The following SERGEF variants were observed in gnomAD, a reference collection of about 807,000 sequenced individuals.
SERGEF encodes the protein secretion regulating guanine nucleotide exchange factor, also known as secretion-regulating guanine nucleotide exchange factor.
SERGEF carries 51 observed loss-of-function variants against 50.0 expected under a neutral mutation model. The ratio of observed to expected loss-of-function variants is 1.02; its 90% CI spans 0.81 to 1.29. The LOEUF (loss-of-function observed/expected upper bound fraction) is 1.29, where lower values mean the gene tolerates loss of function less well. Ranked by LOEUF, SERGEF falls within the 50% of genes most tolerant of loss-of-function variation. The pLI, the probability that SERGEF is intolerant of heterozygous loss-of-function variation, is 0.00. For missense variants in SERGEF, 521 were observed against 557.0 expected (o/e 0.94, Z 0.65); for synonymous variants, 205 against 212.4 (o/e 0.97, Z 0.30).
Position 17,888,013 on chromosome 11 carries a change from C to T in SERGEF, c.1012-9769G>A, listed in dbSNP as rs1268026287. ...TGAGCTCCGCCTCCTGTCAGATCAG[C>T]GGTGGCATTAGATTCTCATATGAGC... On this transcript the variant is annotated intron_variant, in intron 9 of 10. Coordinates refer to ENST00000265965, the MANE Select transcript of SERGEF (RefSeq NM_012139.4). This position sits in a 1 kb window ranked among gnomAD's most constrained non-coding sequence, Gnocchi z 4.1. 2.0e-5 allele frequency among the ~76,000 whole-genome samples: 3 copies of T among 152,146 alleles called. No homozygotes were observed. The highest frequency in any genetic ancestry group is 4.8e-5 in the African/African-American group (2 of 41,452).
At chr11:17,889,532 T>C (rs1226440616) in intron 9 of SERGEF, among the ~76,000 whole-genome samples, 2 of 152,082 alleles carry the variant, frequency 1.3e-5, no homozygotes, top group Admixed American at 6.6e-5. Context: ...TCATAAGAGA[T>C]AAAGAAAAGC....
chr11:18,006,685 T>A lies in SERGEF; in HGVS notation c.258A>T (p.Thr86=). 1 of 1,614,192 alleles carries A rather than the reference T, an allele frequency of 6.2e-7. No individual in the cohort carries two copies. Among genetic ancestry groups the A allele is most frequent in the Non-Finnish European group, 8.5e-7 (1 of 1,180,026 alleles). Residue 86 remains threonine (T), a synonymous_variant, in exon 3 of 11, where the codon ACA becomes ACT. Transcript: ENST00000265965. ...AGGGGGTAAAATATGGGATATCCTC[T>A]GTGTGACCAAGCCCCAGTTGCCCAT... ...NKDGQLGLGH[T]EDIPYFTPCK... is the part of the protein sequence containing the mutation.
intron 8 of SERGEF, among the ~76,000 whole-genome samples, chr11:17,963,206 A>C (rs1181651651): frequency 6.9e-6 from 1 of 145,360 alleles, no homozygotes; most frequent in East Asian, 2.0e-4. Flanking sequence ...AAAAAAAAAA[A>C]GTCAAAAGGC....
At chr11:17,853,598 T>G (rs925491874) in intron 10 of SERGEF, 1 of 152,182 alleles carries the variant, frequency 6.6e-6, no homozygotes, top group Non-Finnish European at 1.5e-5. Flanking sequence ...AGACAGAGCC[T>G]TCCCATGTAT....
intron 9 of SERGEF, among the ~76,000 whole-genome samples, chr11:17,953,250 C>G (rs1852804286): frequency 1.3e-5 from 2 of 152,196 alleles, no homozygotes; most frequent in East Asian, 3.8e-4. Flanking sequence ...AACTCACAAG[C>G]TCCTAAGGCA....
intron 4 of SERGEF, among the ~76,000 whole-genome samples, chr11:18,003,488 A>T (rs1008121478): frequency 6.6e-6 from 1 of 152,236 alleles, no homozygotes; most frequent in East Asian, 1.9e-4. Context: ...TAAAAAATGC[A>T]TACCAGAGTT....
At chr11:17,980,925 C>T (rs17721184) in intron 8 of SERGEF, among the ~76,000 whole-genome samples, 17,366 of 152,202 alleles carry the variant, frequency 0.11, 1,303 homozygotes, top group Middle Eastern at 0.22. Context: ...ATTATGTAAA[C>T]GTATTGGCCA....
intron 10 of SERGEF, among the ~76,000 whole-genome samples, chr11:17,814,088 A>G (rs908132872): frequency 6.6e-6 from 1 of 152,224 alleles, no homozygotes; most frequent in African/African-American, 2.4e-5. Context: ...TTGGAAGGAA[A>G]TGTCTTTGTT....
chr11:17,916,697 T>C (rs1332403075), intron 9 of SERGEF, among the ~76,000 whole-genome samples: 1 of 152,274 alleles, frequency 6.6e-6, no homozygotes, highest in South Asian at 2.1e-4. Flanking sequence ...TTGGTTTTTG[T>C]TGCTGTGTAA....
intron 8 of SERGEF, among the ~76,000 whole-genome samples, chr11:17,966,147 T>C (rs907855724): frequency 6.6e-6 from 1 of 152,182 alleles, no homozygotes; most frequent in Non-Finnish European, 1.5e-5. Flanking sequence ...AGCTCTATCA[T>C]GGAATTTTGA....
Position 17,947,614 on chromosome 11 carries a change from G to C in SERGEF, c.1011+11856C>G, listed in dbSNP as rs375800032. Among the ~76,000 whole-genome samples the C allele has an allele frequency of 8.5e-5, 13 of 152,292 alleles. No homozygotes were observed. In the East Asian group the frequency reaches 1.5e-3, roughly 18 times the overall value. ...GACTGGCACATCTGGACTTCTAGGA[G>C]TTGGGGTGAGCACCAAGCCACAGTC... is the stretch of plus-strand genomic sequence containing the variant. On this transcript the variant is annotated intron_variant, in intron 9 of 10. Coordinates refer to ENST00000265965, the MANE Select transcript of SERGEF (RefSeq NM_012139.4).
intron 7 of SERGEF, 77 bp downstream of exon 7, chr11:17,992,854 T>C: frequency 8.0e-7 from 1 of 1,249,746 alleles, no homozygotes; most frequent in South Asian, 1.2e-5. Flanking sequence ...TCCCTCTGTA[T>C]TTCAATATCA....
intron 10 of SERGEF, among the ~76,000 whole-genome samples, chr11:17,842,725 G>A (rs1398179966): frequency 6.6e-6 from 1 of 152,176 alleles, no homozygotes; most frequent in East Asian, 1.9e-4. Context: ...CTCAGTAAAG[G>A]GTGGCTGTTA....
intron 9 of SERGEF, among the ~76,000 whole-genome samples, chr11:17,944,904 TGAAAA>T (rs534704665): frequency 1.3e-3 from 191 of 152,258 alleles, no homozygotes; most frequent in African/African-American, 4.4e-3. Context: ...AAGTATAAAA[TGAAAA>T]GAAAAGGCCT....
chr11:17,960,529 T>A (rs1852975959), intron 8 of SERGEF, among the ~76,000 whole-genome samples: 1 of 152,224 alleles, frequency 6.6e-6, no homozygotes, highest in African/African-American at 2.4e-5. Context: ...AAATTCTTTA[T>A]ACATGTTTAT....
intron 10 of SERGEF, among the ~76,000 whole-genome samples, chr11:17,811,932 A>G (rs1028173758): frequency 1.3e-5 from 2 of 152,244 alleles, no homozygotes; most frequent in Non-Finnish European, 2.9e-5. Context: ...CCTGGCACAT[A>G]AAAGACACTC....
At chr11:18,004,336 G>A (rs988683748) in intron 4 of SERGEF, 105 bp downstream of exon 4, 1 of 737,632 alleles carries the variant, frequency 1.4e-6, no homozygotes, top group African/African-American at 1.8e-5. Flanking sequence ...CCTACTCCAT[G>A]GGTTCTCAGG....
intron 10 of SERGEF, among the ~76,000 whole-genome samples, chr11:17,866,346 C>T (rs1440441350): frequency 6.6e-6 from 1 of 152,186 alleles, no homozygotes; most frequent in African/African-American, 2.4e-5. Context: ...CAATTGCCTA[C>T]AGTATTCAGT....
At chr11:17,981,777 A>G (rs988350818) in intron 8 of SERGEF, among the ~76,000 whole-genome samples, 1 of 152,114 alleles carries the variant, frequency 6.6e-6, no homozygotes, top group Non-Finnish European at 1.5e-5. Context: ...TCAGGTAAGA[A>G]TAAGTGTTTT....
Sources: allele counts gnomAD v4.1 joint callset (sites outside exome capture counted in the v4.1 genomes callset), GRCh38; gene constraint gnomAD v4.1.1; non-coding constraint Gnocchi (gnomAD v3.1); transcripts MANE v1.5; gene names NCBI Gene and HGNC (gene_info 2026-07-23, HGNC 2026-07-21).